THSD7B: variants seen among roughly 807,000 people sequenced by gnomAD.
THSD7B encodes the protein thrombospondin type-1 domain-containing protein 7B.
Under a neutral mutation model 213.6 loss-of-function variants are expected in THSD7B, and 138 were observed. The ratio of observed to expected loss-of-function variants is 0.65; its 90% CI spans 0.56 to 0.74. THSD7B has a LOEUF of 0.74. Among genes scored for constraint, THSD7B ranks in the 30% least tolerant of loss-of-function variants. The probability of loss-of-function intolerance (pLI) is 0.00; values close to 1 mark genes in which losing one functional copy is unlikely to be tolerated. For missense variants in THSD7B, 1,931 were observed against 1,991.5 expected, an observed-to-expected ratio of 0.97 and a Z score of 0.58; for synonymous variants, 742 against 687.0, an observed-to-expected ratio of 1.08 and a Z score of -1.25.
Position 137,616,320 on chromosome 2 carries a change from C to T in THSD7B, c.3565+4C>T. 2 of 1,611,032 alleles carry T rather than the reference C, an allele frequency of 1.2e-6. No individual in the cohort carries two copies. Among genetic ancestry groups the T allele is most frequent in the Non-Finnish European group, 1.7e-6 (2 of 1,178,816 alleles). On this transcript the variant is annotated splice_donor_region_variant and intron_variant, in intron 18 of 27. Transcript: ENST00000409968. ...CAGTTCCAGTACAATCTAACAGGTACAGTTAAAATCTATGACCTTGTCGTT... is the reference window on the plus strand; with the variant it reads ...CAGTTCCAGTACAATCTAACAGGTATAGTTAAAATCTATGACCTTGTCGTT...
chr2:137,212,319 T>C (rs917058628), intron 7 of THSD7B, among the ~76,000 whole-genome samples: 2 of 152,132 alleles, frequency 1.3e-5, no homozygotes, highest in Admixed American at 1.3e-4. Flanking sequence ...TCAAATTCCA[T>C]GTCTCAACAA....
intron 12 of THSD7B, among the ~76,000 whole-genome samples, chr2:137,388,701 C>G (rs562873215): frequency 1.3e-5 from 2 of 152,188 alleles, no homozygotes; most frequent in African/African-American, 4.8e-5. Flanking sequence ...TCTGGTAACT[C>G]TCATTCTACT....
intron 3 of THSD7B, 119 bp from the exon 4 acceptor site, chr2:137,094,754 T>A: frequency 1.5e-6 from 2 of 1,307,660 alleles, no homozygotes; most frequent in African/African-American, 3.0e-5. Context: ...TTTTTAAAAA[T>A]CTTCCTATTA....
chr2:137,501,505 A>G (rs1679704975), intron 15 of THSD7B, among the ~76,000 whole-genome samples: 1 of 152,124 alleles, frequency 6.6e-6, no homozygotes, highest in Admixed American at 6.6e-5. Flanking sequence ...ATTAGGTTTT[A>G]TACTATGACA....
At position 137,231,197 on chromosome 2, in the gene THSD7B, A is replaced by G. The variant is rs374653211; in HGVS notation, c.1877A>G (p.Gln626Arg). Residue 626 changes from glutamine (Q) to arginine (R), a missense_variant, in exon 8 of 28, where the codon CAG becomes CGG. By Grantham distance (43) the Gln-to-Arg change is conservative. Transcript: ENST00000409968. ...TCAAATAAAAACTCAGATGGGAAAC[A>G]GACCAGGTCAAGAACTATCCTGGCA... ...SCSNKNSDGK[Q>R]TRSRTILALA... 3 of 1,612,818 alleles carry G rather than the reference A, an allele frequency of 1.9e-6. No homozygotes were observed. In the African/African-American group the frequency reaches 4.0e-5, roughly 22 times the overall value.
chr2:137,647,804 G>C (rs533398112), intron 21 of THSD7B, among the ~76,000 whole-genome samples: 4 of 152,132 alleles, frequency 2.6e-5, no homozygotes, highest in Non-Finnish European at 4.4e-5. Context: ...GAAACCAGCT[G>C]TGCTTGTTTG....
chr2:137,399,777 T>C (rs1686308134), intron 12 of THSD7B, among the ~76,000 whole-genome samples: 1 of 152,202 alleles, frequency 6.6e-6, no homozygotes, highest in Admixed American at 6.5e-5. Flanking sequence ...AGTTATTTCC[T>C]TAAATAAGGT....
intron 4 of THSD7B, among the ~76,000 whole-genome samples, chr2:137,102,694 T>A (rs1295416239): frequency 6.6e-6 from 1 of 152,136 alleles, no homozygotes; most frequent in East Asian, 1.9e-4. Context: ...AGAATATAAA[T>A]GACCTGATGG....
chr2:136,956,775 G>A (rs947798476), intron 2 of THSD7B, among the ~76,000 whole-genome samples: 1 of 151,766 alleles, frequency 6.6e-6, no homozygotes, highest in Non-Finnish European at 1.5e-5. Flanking sequence ...TGCCTCCCGG[G>A]TTCAAGTGAT....
At chr2:137,274,671 T>G (rs1236229131) in intron 11 of THSD7B, among the ~76,000 whole-genome samples, 1 of 152,096 alleles carries the variant, frequency 6.6e-6, no homozygotes, top group Non-Finnish European at 1.5e-5. Flanking sequence ...TGGTCTCATT[T>G]TGGTCAAGAA....
intron 27 of THSD7B, among the ~76,000 whole-genome samples, chr2:137,675,556 G>A (rs933234064): frequency 6.6e-6 from 1 of 151,830 alleles, no homozygotes; most frequent in African/African-American, 2.4e-5. Context: ...AACAGCCTTG[G>A]TAGTCCTTCT....
At chr2:137,184,788 G>A (rs1359798179) in intron 7 of THSD7B, among the ~76,000 whole-genome samples, 1 of 152,078 alleles carries the variant, frequency 6.6e-6, no homozygotes, top group Non-Finnish European at 1.5e-5. Context: ...ATAATAGAAA[G>A]CCCACTGTAC....
Position 137,124,907 on chromosome 2 carries a change from A to G in THSD7B, c.1369+9614A>G, listed in dbSNP as rs140014350. Among the ~76,000 whole-genome samples, 131 of 152,284 alleles carry G rather than the reference A, an allele frequency of 8.6e-4. 2 individuals are homozygous for G. Among genetic ancestry groups the G allele is most frequent in the African/African-American group, 3.1e-3 (127 of 41,556 alleles). ...TCTGTTAGCAACTTTCAAATATGCA[A>G]CATGTGATAAACTGTAGTCACCATG... On this transcript the variant is annotated intron_variant, in intron 5 of 27. Transcript: ENST00000409968.
intron 3 of THSD7B, among the ~76,000 whole-genome samples, chr2:137,076,281 C>T (rs532889297): frequency 7.2e-5 from 11 of 152,204 alleles, no homozygotes; most frequent in South Asian, 4.1e-4. Flanking sequence ...CAAACTAATT[C>T]GACAATGGCG....
intron 12 of THSD7B, among the ~76,000 whole-genome samples, chr2:137,390,744 G>C (rs527577038): frequency 6.6e-6 from 1 of 152,144 alleles, no homozygotes; most frequent in East Asian, 1.9e-4. Flanking sequence ...TATTATGAAG[G>C]GATGCTGGAT....
chr2:136,993,186 T>C (rs1685820032), intron 2 of THSD7B, among the ~76,000 whole-genome samples: 2 of 152,346 alleles, frequency 1.3e-5, no homozygotes, highest in Middle Eastern at 3.4e-3. Context: ...TTTGGATGTA[T>C]ATGAGAACAA....
chr2:137,315,971 T>C (rs1395879935), intron 12 of THSD7B, among the ~76,000 whole-genome samples: 2 of 152,250 alleles, frequency 1.3e-5, no homozygotes, highest in African/African-American at 2.4e-5. Context: ...ATTTTAGATA[T>C]CTTCTCTTCC....
chr2:137,607,861 C>T lies in THSD7B; in HGVS notation c.3424-8314C>T, dbSNP rs376769494. Reference sequence around the variant, plus strand: ...CTCCTTAGTGTCATAAAATATCAGACAGAAAGACTATGTGAGGATGTCCCT... The same window carrying T: ...CTCCTTAGTGTCATAAAATATCAGATAGAAAGACTATGTGAGGATGTCCCT... On this transcript the variant is annotated intron_variant, in intron 17 of 27. Coordinates refer to ENST00000409968, the MANE Select transcript of THSD7B (RefSeq NM_001316349.2). Among the ~76,000 whole-genome samples the T allele has an allele frequency of 3.6e-4, 55 of 152,260 alleles. 1 individual carries two copies. In the South Asian group the frequency reaches 8.5e-3, roughly 24 times the overall value.
intron 1 of THSD7B, among the ~76,000 whole-genome samples, chr2:136,811,391 G>A (rs1682374677): frequency 6.6e-6 from 1 of 152,118 alleles, no homozygotes; most frequent in Non-Finnish European, 1.5e-5. Flanking sequence ...AGAAATGAGG[G>A]TGAGGACTCA....
Sources: gnomAD v4.1 joint callset for allele counts (sites outside exome capture counted in the v4.1 genomes callset) on GRCh38, gnomAD v4.1.1 for gene constraint, MANE v1.5 for transcripts, NCBI Gene and HGNC (gene_info 2026-07-23, HGNC 2026-07-21) for gene names.